L3MBTL4: variants seen among roughly 807,000 people sequenced by gnomAD.
L3MBTL4 encodes the protein L3MBTL histone methyl-lysine binding protein 4.
Under a neutral mutation model 84.5 loss-of-function variants are expected in L3MBTL4, and 70 were observed. The observed-to-expected ratio is 0.83, with a 90% CI of 0.68 to 1.01. The LOEUF (loss-of-function observed/expected upper bound fraction) is 1.01, where lower values mean the gene tolerates loss of function less well. Ranked by LOEUF, L3MBTL4 falls within the 50% of genes least tolerant of loss-of-function variation. The pLI is 0.00. For missense variants in L3MBTL4, 715 were observed against 754.8 expected, an observed-to-expected ratio of 0.95 and a Z score of 0.62; for synonymous variants, 274 against 259.8, an observed-to-expected ratio of 1.05 and a Z score of -0.52.
intron 13 of L3MBTL4, among the ~76,000 whole-genome samples, chr18:6,160,743 A>G (rs1270538100): frequency 6.6e-6 from 1 of 151,852 alleles, no homozygotes; most frequent in Non-Finnish European, 1.5e-5. Flanking sequence ...AAAAAAAAAA[A>G]AAAAAAAGCA....
chr18:6,361,573 C>T (rs2144018849), intron 1 of L3MBTL4, among the ~76,000 whole-genome samples: 1 of 152,224 alleles, frequency 6.6e-6, no homozygotes, highest in East Asian at 1.9e-4. Context: ...AACACACAGG[C>T]TGGAAATTGT....
intron 3 of L3MBTL4, among the ~76,000 whole-genome samples, chr18:6,308,677 G>A (rs915301295): frequency 2.6e-5 from 4 of 152,128 alleles, no homozygotes; most frequent in African/African-American, 4.8e-5. Flanking sequence ...GCAGAACAAC[G>A]AGCAGAATGT....
At chr18:6,079,499 T>C (rs2057995135) in intron 16 of L3MBTL4, among the ~76,000 whole-genome samples, 1 of 152,242 alleles carries the variant, frequency 6.6e-6, no homozygotes. Context: ...AAAGAACAAG[T>C]GCATTCTGAG....
chr18:6,113,313 G>A, intron 14 of L3MBTL4, among the ~76,000 whole-genome samples: 1 of 152,040 alleles, frequency 6.6e-6, no homozygotes, highest in East Asian at 1.9e-4. Context: ...AACGGGAATT[G>A]TATCTTCTGT....
chr18:6,261,288 G>A (rs151055904), intron 5 of L3MBTL4, among the ~76,000 whole-genome samples: 2 of 152,338 alleles, frequency 1.3e-5, no homozygotes, highest in East Asian at 3.9e-4. Context: ...GGCAGCTTGA[G>A]TGTTAGATTA....
chr18:6,295,400 C>T (rs181065686), intron 4 of L3MBTL4, among the ~76,000 whole-genome samples: 41 of 145,838 alleles, frequency 2.8e-4, no homozygotes, highest in Non-Finnish European at 4.3e-4. Context: ...AGCACTTGGC[C>T]TATCTTTGTG....
intron 16 of L3MBTL4, among the ~76,000 whole-genome samples, chr18:6,004,116 G>T (rs1028382364): frequency 6.6e-6 from 1 of 151,938 alleles, no homozygotes; most frequent in African/African-American, 2.4e-5. Context: ...AATTAGCAAA[G>T]TTGGCAAAAC....
chr18:6,398,748 G>A (rs563362558), intron 1 of L3MBTL4, among the ~76,000 whole-genome samples: 2 of 150,226 alleles, frequency 1.3e-5, no homozygotes, highest in African/African-American at 4.9e-5. Context: ...CATTGCGGGG[G>A]GGCGGGGGCG....
chr18:6,001,010 A>G (rs1042650973), intron 16 of L3MBTL4, among the ~76,000 whole-genome samples: 2 of 152,166 alleles, frequency 1.3e-5, no homozygotes, highest in Admixed American at 6.5e-5. Flanking sequence ...ATTTTGGTCA[A>G]TTTCAGCTCT....
chr18:6,150,180 T>C (rs1033143574), intron 13 of L3MBTL4, among the ~76,000 whole-genome samples: 1 of 152,210 alleles, frequency 6.6e-6, no homozygotes, highest in African/African-American at 2.4e-5. Flanking sequence ...CTGATAGAAA[T>C]GTCATATATG....
At chr18:6,260,536 G>C (rs927188392) in intron 5 of L3MBTL4, 4 of 151,962 alleles carry the variant, frequency 2.6e-5, no homozygotes, top group Non-Finnish European at 5.9e-5. Context: ...ATTTTTCTCT[G>C]TGTGTGCCTA....
At chr18:6,234,226 T>C (rs1181006598) in intron 10 of L3MBTL4, among the ~76,000 whole-genome samples, 3 of 152,118 alleles carry the variant, frequency 2.0e-5, no homozygotes, top group Non-Finnish European at 4.4e-5. Context: ...CAAGAAAACC[T>C]AGGCAGTACC....
chr18:6,185,965 T>TA (rs1252877767), intron 12 of L3MBTL4, among the ~76,000 whole-genome samples: 1 of 140,110 alleles, frequency 7.1e-6, no homozygotes, highest in African/African-American at 2.8e-5. Context: ...ACTTTCTTTA[T>TA]TTTATTTTAT....
intron 10 of L3MBTL4, 122 bp downstream of exon 10, chr18:6,237,842 C>G (rs1434711329): frequency 1.3e-6 from 1 of 756,678 alleles, no homozygotes; most frequent in Non-Finnish European, 2.3e-6. Flanking sequence ...CAGAATCTCA[C>G]ATAGTGTTTT....
At chr18:6,154,992 C>A (rs1420320647) in intron 13 of L3MBTL4, among the ~76,000 whole-genome samples, 1 of 152,150 alleles carries the variant, frequency 6.6e-6, no homozygotes, top group African/African-American at 2.4e-5. Flanking sequence ...ATAAACTGCT[C>A]ATTAAAGTAT....
chr18:6,040,124 T>G lies in L3MBTL4; in HGVS notation c.1444+40757A>C, dbSNP rs367937405. On this transcript the variant is annotated intron_variant, in intron 16 of 18. Coordinates refer to ENST00000317931, the MANE Select transcript of L3MBTL4 (RefSeq NM_001330559.2). ...AAGAAATTAAAAATACTTGGAATCTTACTTCTCAGAAATATACCCTGCAAG... is the reference window on the plus strand; with the variant it reads ...AAGAAATTAAAAATACTTGGAATCTGACTTCTCAGAAATATACCCTGCAAG... Among the ~76,000 whole-genome samples, 113 of 152,338 alleles carry G rather than the reference T, an allele frequency of 7.4e-4. 2 individuals are homozygous for G. In the South Asian group the frequency reaches 0.023, roughly 31 times the overall value.
At chr18:6,305,149 A>G (rs1490514268) in intron 3 of L3MBTL4, among the ~76,000 whole-genome samples, 1 of 152,224 alleles carries the variant, frequency 6.6e-6, no homozygotes, top group East Asian at 1.9e-4. Flanking sequence ...ATAAACATAT[A>G]TATCTATAAC....
chr18:6,107,668 G>A (rs557419362), intron 14 of L3MBTL4, among the ~76,000 whole-genome samples: 127 of 152,088 alleles, frequency 8.4e-4, no homozygotes, highest in African/African-American at 2.7e-3. Flanking sequence ...AATAAACGTT[G>A]TTACTAACAT....
At chr18:6,337,022 T>C (rs902511139) in intron 1 of L3MBTL4, among the ~76,000 whole-genome samples, 6 of 152,188 alleles carry the variant, frequency 3.9e-5, no homozygotes, top group African/African-American at 1.2e-4. Flanking sequence ...CTGAAACTCA[T>C]TGATGGATGG....
Sources: gnomAD v4.1 joint callset for allele counts (sites outside exome capture counted in the v4.1 genomes callset) on GRCh38, gnomAD v4.1.1 for gene constraint, MANE v1.5 for transcripts, NCBI Gene and HGNC (gene_info 2026-07-23, HGNC 2026-07-21) for gene names.